TAL1: variants seen among roughly 807,000 people sequenced by gnomAD.
TAL1 encodes T-cell acute lymphocytic leukemia protein 1.
In TAL1, 8 loss-of-function variants were observed where a neutral mutation model predicts 17.9. That is an observed-to-expected ratio of 0.45 (90% CI 0.26 to 0.81). TAL1 has a LOEUF of 0.81. Among genes scored for constraint, TAL1 ranks in the 30% least tolerant of loss-of-function variants. The pLI is 0.17. For missense variants in TAL1, 466 were observed against 486.9 expected (o/e 0.96, Z 0.40); for synonymous variants, 223 against 218.6 (o/e 1.02, Z -0.18).
chr1:47,223,950 A>C (rs1314250586), intron 3 of TAL1, 54 bp downstream of exon 4: 11 of 1,538,048 alleles, frequency 7.2e-6, no homozygotes, highest in Non-Finnish European at 7.2e-6. Flanking sequence ...CCTCCTCCAG[A>C]GGGCTCTAAC....
At chr1:47,225,663 C>T in exon 2 of TAL1, 1 of 1,411,158 alleles carries the variant, frequency 7.1e-7, no homozygotes, top group Non-Finnish European at 9.2e-7. Flanking sequence ...GCGTCGCGGC[C>T]CTTTAAGTCT....
exon 4 of TAL1, chr1:47,217,664 C>T (rs1187050591): frequency 2.5e-6 from 1 of 398,626 alleles, no homozygotes; most frequent in African/African-American, 2.1e-5. Context: ...GCCAGAGTCA[C>T]ATGGCAAGTC....
At chr1:47,225,655 G>T in exon 2 of TAL1, 2 of 1,393,244 alleles carry the variant, frequency 1.4e-6, no homozygotes, top group South Asian at 1.6e-5. Flanking sequence ...CCGTCGCCGC[G>T]TCGCGGCCCT....
exon 4 of TAL1, chr1:47,219,894 G>GGCGCCCCCC: frequency 6.4e-7 from 1 of 1,556,030 alleles, no homozygotes; most frequent in Non-Finnish European, 8.7e-7. Context: ...CTGGGGGCGC[G>GGCGCCCCCC]CCGCCCCCTC....
At chr1:47,223,733 A>G (rs1161569042) in intron 3 of TAL1, 4 of 362,884 alleles carry the variant, frequency 1.1e-5, no homozygotes, top group Non-Finnish European at 2.0e-5. Flanking sequence ...AGGTTTGGGA[A>G]CTAACTCCAG....
At chr1:47,225,300 G>T in intron 2 of TAL1, 143 bp downstream of exon 3, 1 of 734,732 alleles carries the variant, frequency 1.4e-6, no homozygotes, top group Non-Finnish European at 1.9e-6. Context: ...AGAGCCACTG[G>T]GTTTAAAACG....
exon 2 of TAL1, chr1:47,225,801 G>A (rs745420825): frequency 1.3e-6 from 2 of 1,573,076 alleles, no homozygotes; most frequent in East Asian, 4.9e-5. Context: ...AGGACCAGGT[G>A]CGGGGGGGCC....
chr1:47,222,618 C>A lies in TAL1; in HGVS notation c.541+1386G>T, dbSNP rs78044637. On this transcript the variant is annotated intron_variant, in intron 3 of 3. Transcript: ENST00000294339. ...GTGTCCCCTAGACACATCCTGCACA[C>A]TCATACCCTACCCTTCGCCTACATG... is the stretch of plus-strand genomic sequence containing the variant. Among the ~76,000 whole-genome samples the A allele has an allele frequency of 1.0e-3, 154 of 152,226 alleles. 1 individual carries two copies. In the East Asian group the frequency reaches 0.024, roughly 24 times the overall value.
At chr1:47,220,060 G>A (rs1313846024) in exon 4 of TAL1, 4 of 1,613,858 alleles carry the variant, frequency 2.5e-6, no homozygotes, top group East Asian at 2.2e-5. Flanking sequence ...CTTCTTGTCC[G>A]GGGGATGTGT....
At chr1:47,225,968 G>T in intron 1 of TAL1, 79 bp from the exon 3 acceptor site, 1 of 1,440,634 alleles carries the variant, frequency 6.9e-7, no homozygotes, top group South Asian at 1.3e-5. Context: ...GGGGTAAAGG[G>T]GAGAAGGGCA....
At position 47,221,256 on chromosome 1, in the gene TAL1, G is replaced by A. The variant is rs368615366; in HGVS notation, c.542-1082C>T. On this transcript the variant is annotated intron_variant, in intron 3 of 3. Transcript: ENST00000294339. ...GATGCAGAAGGGCTCTCATACCCAGGAGAGAAGTGAAGACACAGCTATGCA... is the reference window on the plus strand; with the variant it reads ...GATGCAGAAGGGCTCTCATACCCAGAAGAGAAGTGAAGACACAGCTATGCA... Among the ~76,000 whole-genome samples, 11 of 152,308 alleles carry A rather than the reference G, an allele frequency of 7.2e-5. No individual in the cohort carries two copies. The East Asian group carries it at 7.7e-4, about 11-fold the overall frequency.
chr1:47,224,082 G>T (rs1226415691), exon 3 of TAL1: 4 of 1,613,682 alleles, frequency 2.5e-6, no homozygotes, highest in Non-Finnish European at 2.5e-6. Context: ...AAGGCATCCG[G>T]CTCCCCAAAG....
chr1:47,229,791 T>C (rs1333489980), upstream of TAL1: 1 of 152,120 alleles, frequency 6.6e-6, no homozygotes, highest in African/African-American at 2.4e-5. Context: ...CGGAGGTCCG[T>C]GTTGGGAAAG....
intron 2 of TAL1, among the ~76,000 whole-genome samples, chr1:47,224,656 G>A (rs1643880939): frequency 6.6e-6 from 1 of 152,100 alleles, no homozygotes; most frequent in Non-Finnish European, 1.5e-5. Flanking sequence ...CCCCTCAGCT[G>A]AAATGCTCCG....
At position 47,218,250 on chromosome 1, in the gene TAL1, A is replaced by G. The variant is rs1440973600; in HGVS notation, c.*1470T>C. 1.7e-5 allele frequency: 4 copies of G among 232,968 alleles called. No homozygotes were observed. In the East Asian group the frequency reaches 2.4e-4, roughly 14 times the overall value. The allele number at this position is 232,968 out of a possible 1,614,324, so 14.4% of individuals were successfully genotyped here. On this transcript the variant is annotated 3_prime_UTR_variant, in exon 4 of 4. Transcript: ENST00000294339. ...GACAGACATACAGGACTTCTGTGCA[A>G]TTTGTCCCATGGGCTTAGATGCAGG...
intron 3 of TAL1, among the ~76,000 whole-genome samples, chr1:47,221,562 C>G (rs1432398732): frequency 6.6e-6 from 1 of 152,184 alleles, no homozygotes; most frequent in African/African-American, 2.4e-5. Context: ...GCTTCTCTCC[C>G]TAACATCGAG....
chr1:47,224,818 C>G (rs368070509), intron 2 of TAL1, among the ~76,000 whole-genome samples: 64 of 152,330 alleles, frequency 4.2e-4, no homozygotes, highest in African/African-American at 1.5e-3. Flanking sequence ...CACAGTAGCG[C>G]CAGCAGGGAA....
intron 2 of TAL1, 29 bp downstream of exon 3, chr1:47,225,414 C>A: frequency 6.7e-6 from 8 of 1,202,266 alleles, no homozygotes; most frequent in Non-Finnish European, 8.3e-6. Flanking sequence ...ACCCGCCCAG[C>A]CCCTGGCCCC....
Position 47,228,715 on chromosome 1 carries a change from C to T in TAL1, c.-2+481G>A, listed in dbSNP as rs1238304262. 24 of 166,038 alleles carry T rather than the reference C, an allele frequency of 1.4e-4. No homozygotes were observed. In the East Asian group the frequency reaches 3.0e-3, roughly 21 times the overall value. The allele number at this position is 166,038 out of a possible 1,614,324, so 10.3% of individuals were successfully genotyped here. ...GCCCCAAGCCTGCACAAGTACCAAA[C>T]CCACCAGGGAACAGCACCACCATCC... On this transcript the variant is annotated intron_variant, in intron 1 of 3. Transcript: ENST00000294339.
Sources: gnomAD v4.1 joint callset for allele counts (sites outside exome capture counted in the v4.1 genomes callset) on GRCh38, gnomAD v4.1.1 for gene constraint, MANE v1.5 for transcripts, NCBI Gene and HGNC (gene_info 2026-07-23, HGNC 2026-07-21) for gene names.